LRRTM4: variants seen among roughly 807,000 people sequenced by gnomAD.
LRRTM4 encodes leucine rich repeat transmembrane neuronal 4, also known as leucine-rich repeat transmembrane neuronal protein 4.
LRRTM4 carries 25 observed loss-of-function variants against 47.6 expected under a neutral mutation model. The ratio of observed to expected loss-of-function variants is 0.53; its 90% confidence interval spans 0.38 to 0.73. The LOEUF (loss-of-function observed/expected upper bound fraction) is 0.73, where lower values mean the gene tolerates loss of function less well. LRRTM4 is among the 30% of genes least tolerant of loss of function. The probability of loss-of-function intolerance (pLI) is 0.00; values close to 1 mark genes in which losing one functional copy is unlikely to be tolerated. For missense variants in LRRTM4, 638 were observed against 713.4 expected, an observed-to-expected ratio of 0.89 and a Z score of 1.20; for synonymous variants, 311 against 269.5, an observed-to-expected ratio of 1.15 and a Z score of -1.51.
At chr2:77,003,915 C>T (rs1373073664) in intron 3 of LRRTM4, among the ~76,000 whole-genome samples, 2 of 152,088 alleles carry the variant, frequency 1.3e-5, no homozygotes, top group Non-Finnish European at 2.9e-5. Flanking sequence ...CTGAGGTGGT[C>T]TCATAGGGAC....
intron 3 of LRRTM4, among the ~76,000 whole-genome samples, chr2:77,026,286 A>G (rs1031121980): frequency 2.0e-5 from 3 of 152,134 alleles, no homozygotes; most frequent in African/African-American, 7.2e-5. Flanking sequence ...TGAAAACCCC[A>G]GAAGGTAGAT....
chr2:76,802,463 G>A (rs1042688200), intron 3 of LRRTM4, among the ~76,000 whole-genome samples: 1 of 152,036 alleles, frequency 6.6e-6, no homozygotes, highest in Admixed American at 6.6e-5. Context: ...TAAAATAAAT[G>A]GAAAGGGCCA....
At chr2:77,296,415 T>G (rs1676974708) in intron 3 of LRRTM4, among the ~76,000 whole-genome samples, 1 of 152,172 alleles carries the variant, frequency 6.6e-6, no homozygotes, top group Admixed American at 6.6e-5. Context: ...ACAGTATCAT[T>G]ACCTTCTTTG....
chr2:77,362,249 G>A (rs1672272768), intron 3 of LRRTM4, among the ~76,000 whole-genome samples: 1 of 152,092 alleles, frequency 6.6e-6, no homozygotes, highest in Non-Finnish European at 1.5e-5. Flanking sequence ...AGGCAGACTG[G>A]CTCCGGAGTC....
At chr2:76,903,560 G>C (rs767277863) in intron 3 of LRRTM4, among the ~76,000 whole-genome samples, 8 of 151,756 alleles carry the variant, frequency 5.3e-5, no homozygotes, top group Non-Finnish European at 8.8e-5. Flanking sequence ...CAAAAAAGAA[G>C]AACAAACAAA....
At chr2:77,465,475 C>T (rs932962773) in intron 3 of LRRTM4, among the ~76,000 whole-genome samples, 2 of 152,062 alleles carry the variant, frequency 1.3e-5, no homozygotes, top group Non-Finnish European at 2.9e-5. Context: ...CTGTTAATAA[C>T]GTGTTCTAGT....
intron 3 of LRRTM4, among the ~76,000 whole-genome samples, chr2:76,790,414 CCTA>C (rs1674911348): frequency 6.6e-6 from 1 of 152,098 alleles, no homozygotes; most frequent in Admixed American, 6.6e-5. Context: ...TCTCTGGACT[CCTA>C]CTGCCTAGGT....
intron 3 of LRRTM4, among the ~76,000 whole-genome samples, chr2:77,478,629 T>A (rs928180821): frequency 6.6e-6 from 1 of 152,232 alleles, no homozygotes; most frequent in Non-Finnish European, 1.5e-5. Context: ...TGCACTGGTA[T>A]ACACACACTG....
chr2:76,833,141 C>G (rs1671402449), intron 3 of LRRTM4, among the ~76,000 whole-genome samples: 1 of 152,092 alleles, frequency 6.6e-6, no homozygotes, highest in Non-Finnish European at 1.5e-5. Context: ...GTTGGAAATA[C>G]AGGTTTGGGA....
At chr2:76,861,769 A>G (rs12616346) in intron 3 of LRRTM4, among the ~76,000 whole-genome samples, 1 of 152,206 alleles carries the variant, frequency 6.6e-6, no homozygotes, top group Non-Finnish European at 1.5e-5. Flanking sequence ...AAATTGGAGC[A>G]CGGCATGAGG....
At chr2:77,491,613 A>G (rs1678165072) in intron 3 of LRRTM4, among the ~76,000 whole-genome samples, 1 of 152,028 alleles carries the variant, frequency 6.6e-6, no homozygotes, top group African/African-American at 2.4e-5. Flanking sequence ...ACAAAATACT[A>G]AAGAAAAATA....
chr2:77,027,457 C>T (rs1283940723), intron 3 of LRRTM4, among the ~76,000 whole-genome samples: 1 of 152,128 alleles, frequency 6.6e-6, no homozygotes, highest in Non-Finnish European at 1.5e-5. Context: ...CATTAAAATT[C>T]TCCTAATCTC....
At chr2:77,479,793 TTCTC>T (rs1558762929) in intron 3 of LRRTM4, among the ~76,000 whole-genome samples, 1 of 151,942 alleles carries the variant, frequency 6.6e-6, no homozygotes, top group African/African-American at 2.4e-5. Flanking sequence ...CTCTTTCTCT[TTCTC>T]TCTCTCTTTC....
At chr2:77,287,018 T>C (rs926172934) in intron 3 of LRRTM4, among the ~76,000 whole-genome samples, 1 of 152,122 alleles carries the variant, frequency 6.6e-6, no homozygotes, top group East Asian at 1.9e-4. Flanking sequence ...AGCCTCTCTG[T>C]GTTTGCACAA....
chr2:77,346,060 C>G (rs1553431959), intron 3 of LRRTM4, among the ~76,000 whole-genome samples: 3 of 151,728 alleles, frequency 2.0e-5, no homozygotes, highest in Non-Finnish European at 4.4e-5. Context: ...CTTGCGTCAC[C>G]CTTATGAATA....
At chr2:77,175,385 C>T (rs891179280) in intron 3 of LRRTM4, among the ~76,000 whole-genome samples, 6 of 152,076 alleles carry the variant, frequency 3.9e-5, no homozygotes, top group African/African-American at 9.7e-5. Flanking sequence ...GCTACCCTGA[C>T]GCACCATAAT....
At chr2:77,306,817 T>G (rs1239837834) in intron 3 of LRRTM4, among the ~76,000 whole-genome samples, 1 of 152,042 alleles carries the variant, frequency 6.6e-6, no homozygotes, top group Non-Finnish European at 1.5e-5. Flanking sequence ...GTGAAATGTT[T>G]GCAATCATTT....
intron 3 of LRRTM4, among the ~76,000 whole-genome samples, chr2:77,036,233 T>TA (rs201655349): frequency 0.015 from 2,281 of 151,838 alleles, 49 homozygotes; most frequent in African/African-American, 0.052. Flanking sequence ...TGGGAGAAGA[T>TA]AAAAAATAAA....
At chr2:77,481,364 C>G (rs1212722600) in intron 3 of LRRTM4, among the ~76,000 whole-genome samples, 2 of 152,252 alleles carry the variant, frequency 1.3e-5, no homozygotes, top group African/African-American at 4.8e-5. Flanking sequence ...GTTCGAGAAC[C>G]TGCCTTCTTA....
Sources: gnomAD v4.1 joint callset for allele counts (sites outside exome capture counted in the v4.1 genomes callset) on GRCh38, gnomAD v4.1.1 for gene constraint, MANE v1.5 for transcripts, NCBI Gene and HGNC (gene_info 2026-07-23, HGNC 2026-07-21) for gene names.